The following SH2D6 variants were observed in gnomAD, a reference collection of about 807,000 sequenced individuals.
SH2D6 encodes SH2 domain-containing protein 6.
A neutral mutation model predicts 30.2 loss-of-function variants in SH2D6; 31 were observed. The observed-to-expected ratio is 1.03, with a 90% CI of 0.77 to 1.38. SH2D6 has a LOEUF of 1.38. SH2D6 is among the 40% of genes most tolerant of loss of function. The probability of loss-of-function intolerance (pLI) is 0.00; values close to 1 mark genes in which losing one functional copy is unlikely to be tolerated. For missense variants in SH2D6, 240 were observed against 266.8 expected, an observed-to-expected ratio of 0.90 and a Z score of 0.70; for synonymous variants, 93 against 104.6, an observed-to-expected ratio of 0.89 and a Z score of 0.68.
At position 85,434,124 on chromosome 2, in the gene SH2D6, C is replaced by T; in HGVS notation, c.533+13C>T. The T allele has an allele frequency of 6.5e-7, 1 of 1,550,002 alleles. No homozygotes were observed. The highest frequency in any genetic ancestry group is 8.7e-7 in the Non-Finnish European group (1 of 1,146,502). ...CAGTGGTGCCCAGGTAAGTGCCCCA[C>T]CAGGTGTGCACCTGTGTGTATGTAT... On this transcript the variant is annotated intron_variant, in intron 17 of 23. Transcript: ENST00000469800.
intron 5 of SH2D6, among the ~76,000 whole-genome samples, chr2:85,423,095 C>A (rs1687803069): frequency 1.3e-5 from 2 of 152,238 alleles, no homozygotes; most frequent in African/African-American, 4.8e-5. Context: ...GCCATGTTGG[C>A]CAGGCTGGTC....
chr2:85,433,632 G>A lies in SH2D6; in HGVS notation c.454+1G>A. On this transcript the variant is annotated splice_donor_variant, in intron 16 of 23. Coordinates refer to ENST00000469800, the MANE Select transcript of SH2D6 (RefSeq NM_001394463.1). LOFTEE classifies it high-confidence loss of function. ...TACTTGGAATGTGAGCCGGATCCAGGTGAGCCCCTCCCTCAGCTCCAGACC... is the reference window on the plus strand; with the variant it reads ...TACTTGGAATGTGAGCCGGATCCAGATGAGCCCCTCCCTCAGCTCCAGACC... 2 of 1,024,054 alleles carry A rather than the reference G, an allele frequency of 2.0e-6. No homozygotes were observed. The highest frequency in any genetic ancestry group is 2.3e-6 in the Non-Finnish European group (2 of 853,748). The allele number at this position is 1,024,054 out of a possible 1,614,324, so 63.4% of individuals were successfully genotyped here.
intron 23 of SH2D6, 67 bp from the exon 24 acceptor site, chr2:85,436,770 C>A: frequency 1.8e-6 from 1 of 570,802 alleles, no homozygotes; most frequent in Non-Finnish European, 3.2e-6. Context: ...ACCCCATGCT[C>A]ACCTAGAGCC....
At chr2:85,425,019 T>C (rs1687928290) in intron 5 of SH2D6, among the ~76,000 whole-genome samples, 1 of 152,060 alleles carries the variant, frequency 6.6e-6, no homozygotes. Flanking sequence ...TGAGCCAAGA[T>C]CGTGCCACTG....
At chr2:85,421,204 C>T (rs1225747211) in intron 2 of SH2D6, among the ~76,000 whole-genome samples, 3 of 152,120 alleles carry the variant, frequency 2.0e-5, no homozygotes, top group Admixed American at 6.5e-5. Context: ...AGACGCCGGC[C>T]GCTCCCGCTA....
chr2:85,435,433 GCCTT>G lies in SH2D6; in HGVS notation c.670_673del (p.Pro224GlyfsTer125). On this transcript the variant is annotated frameshift_variant, in exon 21 of 24. Coordinates refer to ENST00000469800, the MANE Select transcript of SH2D6 (RefSeq NM_001394463.1). LOFTEE classifies it high-confidence loss of function. The stretch of plus-strand genomic sequence containing the variant: ...CACAGGACAGTGATCTGCTGACTCA[GCCTT>G]GGTACTCGGGGAACTGTGACCGCTA... The G allele has an allele frequency of 6.2e-7, 1 of 1,613,904 alleles. No individual in the cohort carries two copies. The highest frequency in any genetic ancestry group is 8.5e-7 in the Non-Finnish European group (1 of 1,179,978).
chr2:85,435,232 A>G (rs1335586045), intron 20 of SH2D6, 109 bp downstream of exon 20: 2 of 1,303,086 alleles, frequency 1.5e-6, no homozygotes, highest in Non-Finnish European at 2.2e-6. Flanking sequence ...GCAAGAACAC[A>G]TTGAACACAC....
At position 85,434,090 on chromosome 2, in the gene SH2D6, C is replaced by G. The variant is rs1473696515; in HGVS notation, c.512C>G (p.Pro171Arg). The change falls in exon 17 of 24, where the codon CCC becomes CGC. Residue 171 changes from proline to arginine, a missense_variant. Coordinates refer to ENST00000469800, the MANE Select transcript of SH2D6 (RefSeq NM_001394463.1). ...GTCCTGATGCCCTCAGGCCCTCTGC[C>G]CAGGACATCAGTGGTGCCCAGGTAA... is the stretch of plus-strand genomic sequence containing the variant. ...FQVLMPSGPL[P>R]RTSVVPRPTT... 9.0e-6 allele frequency: 14 copies of G among 1,550,466 alleles called. No homozygotes were observed. Among genetic ancestry groups the G allele is most frequent in the Non-Finnish European group, 1.2e-5 (14 of 1,146,996 alleles).
intron 6 of SH2D6, among the ~76,000 whole-genome samples, chr2:85,426,470 A>G (rs1688060556): frequency 6.6e-6 from 1 of 151,810 alleles, no homozygotes; most frequent in Non-Finnish European, 1.5e-5. Flanking sequence ...CACCTTTCTG[A>G]TTGTGGGACC....
intron 23 of SH2D6, 68 bp downstream of exon 23, chr2:85,436,662 TTCCCC>T: frequency 8.8e-7 from 1 of 1,130,714 alleles, no homozygotes; most frequent in South Asian, 1.3e-5. Flanking sequence ...TCCTCTCTCC[TTCCCC>T]ACCCCTCCTC....
chr2:85,434,572 T>G (rs1020627988), intron 19 of SH2D6, 75 bp downstream of exon 19: 3 of 1,520,668 alleles, frequency 2.0e-6, no homozygotes, highest in African/African-American at 2.8e-5. Context: ...TCAAACTCCT[T>G]GTTCTACCCT....
At chr2:85,425,640 A>G (rs1377161643) in intron 6 of SH2D6, among the ~76,000 whole-genome samples, 1 of 152,082 alleles carries the variant, frequency 6.6e-6, no homozygotes, top group Non-Finnish European at 1.5e-5. Flanking sequence ...AATTATTAAA[A>G]CTATTCTGTA....
chr2:85,420,213 T>TCCTGCCTCAG (rs1403267463), intron 2 of SH2D6, among the ~76,000 whole-genome samples: 1 of 152,150 alleles, frequency 6.6e-6, no homozygotes, highest in Admixed American at 6.5e-5. Flanking sequence ...TAAGCGGTTC[T>TCCTGCCTCAG]CCTGCCTCAG....
Position 85,425,288 on chromosome 2 carries a change from G to A in SH2D6, c.-308-20G>A, listed in dbSNP as rs765948156. 3.1e-5 allele frequency: 3 copies of A among 97,328 alleles called. No individual in the cohort carries two copies. The highest frequency in any genetic ancestry group is 3.9e-5 in the Non-Finnish European group (2 of 51,656). The allele number at this position is 97,328 out of a possible 1,614,324, so 6.0% of individuals were successfully genotyped here. A position where few individuals can be genotyped will look rare whatever the true frequency, so the allele number is the denominator to read the frequency against. ...TTTTTTTTTTTTTTTTTGAGACTGT[G>A]TTTCACTCTTACTGCCCAGGTTTGA... On this transcript the variant is annotated intron_variant, in intron 5 of 23. Coordinates refer to ENST00000469800, the MANE Select transcript of SH2D6 (RefSeq NM_001394463.1).
chr2:85,428,126 T>C (rs906422052), intron 6 of SH2D6, among the ~76,000 whole-genome samples: 1 of 152,194 alleles, frequency 6.6e-6, no homozygotes, highest in Non-Finnish European at 1.5e-5. Flanking sequence ...TTTATCTTTT[T>C]ATCGCCACGC....
chr2:85,434,837 T>C (rs1689214847), intron 19 of SH2D6: 3 of 1,487,906 alleles, frequency 2.0e-6, no homozygotes, highest in African/African-American at 2.8e-5. Context: ...GCTCCTAGTC[T>C]GTGCCCCAAG....
chr2:85,427,066 G>C (rs924984346), intron 6 of SH2D6, among the ~76,000 whole-genome samples: 3 of 152,250 alleles, frequency 2.0e-5, no homozygotes, highest in Admixed American at 6.5e-5. Context: ...TATTGTGTGA[G>C]AGCAGGGGAA....
intron 19 of SH2D6, 133 bp from the exon 20 acceptor site, chr2:85,434,932 G>T: frequency 6.3e-7 from 1 of 1,599,820 alleles, no homozygotes; most frequent in Non-Finnish European, 8.5e-7. Flanking sequence ...GAAGCACTGG[G>T]TGCCGGGGTT....
chr2:85,427,253 T>C (rs1259994267), intron 6 of SH2D6, among the ~76,000 whole-genome samples: 1 of 152,246 alleles, frequency 6.6e-6, no homozygotes, highest in African/African-American at 2.4e-5. Context: ...TGGGGCGTTA[T>C]ACCTTCAAAA....
Sources: gnomAD v4.1 joint callset for allele counts (sites outside exome capture counted in the v4.1 genomes callset) on GRCh38, gnomAD v4.1.1 for gene constraint, MANE v1.5 for transcripts, NCBI Gene and HGNC (gene_info 2026-07-23, HGNC 2026-07-21) for gene names.